Variants in LRRIQ3 observed in about 807,000 individuals in gnomAD.
LRRIQ3 encodes leucine-rich repeat and IQ domain-containing protein 3.
A neutral mutation model predicts 59.3 loss-of-function variants in LRRIQ3; 75 were observed. The observed-to-expected ratio is 1.26, with a 90% CI of 1.05 to 1.53. LRRIQ3 has a LOEUF of 1.53. LRRIQ3 is among the 40% of genes most tolerant of loss of function. LRRIQ3 has a pLI of 0.00. For synonymous variants in LRRIQ3, 250 were observed against 231.3 expected, an observed-to-expected ratio of 1.08 and a Z score of -0.73; for missense variants, 831 against 710.0, an observed-to-expected ratio of 1.17 and a Z score of -1.94.
chr1:74,090,754 T>C (rs1646386485), intron 5 of LRRIQ3, among the ~76,000 whole-genome samples: 1 of 151,224 alleles, frequency 6.6e-6, no homozygotes, highest in African/African-American at 2.4e-5. Context: ...CTTAGCTGGG[T>C]GTGGGAGTGT....
chr1:74,126,020 C>T (rs1212301129), intron 4 of LRRIQ3, among the ~76,000 whole-genome samples: 2 of 151,820 alleles, frequency 1.3e-5, no homozygotes, highest in South Asian at 2.1e-4. Flanking sequence ...ATTACAGCTT[C>T]GATCTTATTA....
At chr1:74,053,188 A>AT in intron 6 of LRRIQ3, among the ~76,000 whole-genome samples, 1 of 151,746 alleles carries the variant, frequency 6.6e-6, no homozygotes, top group Middle Eastern at 3.4e-3. Flanking sequence ...AAAAAAAAAA[A>AT]AAAAAACAAA....
chr1:74,073,821 C>T (rs10789386), intron 6 of LRRIQ3, among the ~76,000 whole-genome samples: 120,067 of 151,894 alleles, frequency 0.79, 50,430 homozygotes, highest in East Asian at 0.97. Context: ...AAAAATAAGA[C>T]CTTCAAATGA....
At chr1:74,045,534 C>T (rs1654175484) in intron 6 of LRRIQ3, among the ~76,000 whole-genome samples, 1 of 152,124 alleles carries the variant, frequency 6.6e-6, no homozygotes, top group East Asian at 1.9e-4. Flanking sequence ...GGCAGCATTC[C>T]CTTTGAAAAC....
chr1:74,178,343 TC>T (rs1228351792), intron 3 of LRRIQ3, among the ~76,000 whole-genome samples: 1 of 152,064 alleles, frequency 6.6e-6, no homozygotes, highest in Non-Finnish European at 1.5e-5. Flanking sequence ...ATGGTTTTTT[TC>T]ATATAGACTG....
chr1:74,120,441 G>A (rs886596554), intron 4 of LRRIQ3, among the ~76,000 whole-genome samples: 5 of 151,654 alleles, frequency 3.3e-5, no homozygotes, highest in East Asian at 1.9e-4. Flanking sequence ...AATATTTTCC[G>A]GTTTTATTAA....
At chr1:74,160,794 G>A (rs1321215263) in intron 3 of LRRIQ3, among the ~76,000 whole-genome samples, 1 of 152,000 alleles carries the variant, frequency 6.6e-6, no homozygotes, top group Non-Finnish European at 1.5e-5. Context: ...AACCCTGACT[G>A]TACTTGAATC....
chr1:74,154,916 C>T (rs899453830), intron 4 of LRRIQ3, among the ~76,000 whole-genome samples: 7 of 152,112 alleles, frequency 4.6e-5, no homozygotes, highest in African/African-American at 1.7e-4. Flanking sequence ...CTACTTATTC[C>T]TCATACTTGT....
At chr1:74,054,882 A>T (rs865952948) in intron 6 of LRRIQ3, among the ~76,000 whole-genome samples, 17 of 147,680 alleles carry the variant, frequency 1.2e-4, no homozygotes, top group African/African-American at 4.2e-4. Flanking sequence ...AATATAATTT[A>T]AAATACAATT....
intron 3 of LRRIQ3, among the ~76,000 whole-genome samples, chr1:74,163,472 G>A (rs1648780378): frequency 2.6e-5 from 4 of 151,668 alleles, no homozygotes; most frequent in Non-Finnish European, 3.0e-5. Flanking sequence ...TATAACAAAA[G>A]TGAGTACTCT....
intron 5 of LRRIQ3, among the ~76,000 whole-genome samples, chr1:74,101,034 G>A (rs1646523161): frequency 6.6e-6 from 1 of 152,188 alleles, no homozygotes; most frequent in African/African-American, 2.4e-5. Flanking sequence ...AAAACCAATG[G>A]CAACAAAAGA....
chr1:74,184,352 T>C (rs1222923234), intron 1 of LRRIQ3, among the ~76,000 whole-genome samples: 1 of 152,154 alleles, frequency 6.6e-6, no homozygotes, highest in African/African-American at 2.4e-5. Flanking sequence ...GTATTTCTCA[T>C]ATATGTGAAT....
At chr1:74,134,856 T>C (rs1647095505) in intron 4 of LRRIQ3, among the ~76,000 whole-genome samples, 3 of 151,782 alleles carry the variant, frequency 2.0e-5, no homozygotes, top group African/African-American at 7.3e-5. Flanking sequence ...ATGTGATATA[T>C]AAAAACCCAA....
At chr1:74,162,892 T>C (rs1648745419) in intron 3 of LRRIQ3, among the ~76,000 whole-genome samples, 1 of 151,530 alleles carries the variant, frequency 6.6e-6, no homozygotes. Flanking sequence ...GACAGAAAAT[T>C]ACATGTACAT....
At chr1:74,183,415 T>C (rs756615588) in intron 2 of LRRIQ3, 21 bp downstream of exon 2, 6 of 1,520,816 alleles carry the variant, frequency 3.9e-6, no homozygotes, top group South Asian at 1.3e-5. Context: ...TATGCAAATA[T>C]CTGAAATGGC....
chr1:74,154,289 T>C (rs1648190059), intron 4 of LRRIQ3, among the ~76,000 whole-genome samples: 1 of 134,612 alleles, frequency 7.4e-6, no homozygotes, highest in African/African-American at 2.8e-5. Flanking sequence ...ATGTAATATC[T>C]ACTTTTGTCA....
intron 7 of LRRIQ3, among the ~76,000 whole-genome samples, chr1:74,038,333 G>A (rs1653936299): frequency 6.6e-6 from 1 of 152,166 alleles, no homozygotes; most frequent in South Asian, 2.1e-4. Flanking sequence ...AGCCCCCAGG[G>A]TGAGGGGTGG....
chr1:74,124,479 T>A (rs924757185), intron 4 of LRRIQ3, among the ~76,000 whole-genome samples: 4 of 151,956 alleles, frequency 2.6e-5, no homozygotes, highest in African/African-American at 9.7e-5. Context: ...CTTATAGTAG[T>A]TTCATAGTTT....
Position 74,042,365 on chromosome 1 carries a change from G to T in LRRIQ3, c.998-432C>A, listed in dbSNP as rs150077058. Among the ~76,000 whole-genome samples, 925 of 152,204 alleles carry T rather than the reference G, an allele frequency of 6.1e-3. 5 individuals are homozygous for T. The highest frequency in any genetic ancestry group is 0.021 in the African/African-American group (875 of 41,558). The stretch of plus-strand genomic sequence containing the variant: ...AAACTCTGCGTAATAAATGAGCAGG[G>T]AGTATTTATAGATAGAAAATGGAAG... On this transcript the variant is annotated intron_variant, in intron 6 of 7. Coordinates refer to ENST00000354431, the MANE Select transcript of LRRIQ3 (RefSeq NM_001105659.2).
Sources: gnomAD v4.1 joint callset for allele counts (sites outside exome capture counted in the v4.1 genomes callset) on GRCh38, gnomAD v4.1.1 for gene constraint, MANE v1.5 for transcripts, NCBI Gene and HGNC (gene_info 2026-07-23, HGNC 2026-07-21) for gene names.